WDFY2: variants seen among roughly 807,000 people sequenced by gnomAD.
WDFY2 encodes WD repeat and FYVE domain containing 2, also known as WD repeat and FYVE domain-containing protein 2.
A neutral mutation model predicts 56.4 loss-of-function variants in WDFY2; 36 were observed. The observed-to-expected ratio is 0.64, with a 90% CI of 0.49 to 0.84. The LOEUF is 0.84. Ranked by LOEUF, WDFY2 falls within the 40% of genes least tolerant of loss-of-function variation. The probability of loss-of-function intolerance (pLI) is 0.00; values close to 1 mark genes in which losing one functional copy is unlikely to be tolerated. For missense variants in WDFY2, 444 were observed against 512.2 expected, an observed-to-expected ratio of 0.87 and a Z score of 1.29; for synonymous variants, 176 against 183.7, an observed-to-expected ratio of 0.96 and a Z score of 0.34.
intron 1 of WDFY2, among the ~76,000 whole-genome samples, chr13:51,596,550 G>A (rs1476724901): frequency 6.6e-6 from 1 of 152,218 alleles, no homozygotes; most frequent in Admixed American, 6.5e-5. Flanking sequence ...TACAGTTTGA[G>A]TGCAAAGCTT....
chr13:51,748,245 T>C (rs1377574493), intron 7 of WDFY2, among the ~76,000 whole-genome samples: 4 of 152,234 alleles, frequency 2.6e-5, no homozygotes, highest in Admixed American at 6.5e-5. Context: ...CGGCTTAGAT[T>C]GTGCTGTCCA....
chr13:51,674,298 A>G (rs184684302), intron 2 of WDFY2, among the ~76,000 whole-genome samples: 1 of 152,380 alleles, frequency 6.6e-6, no homozygotes. Flanking sequence ...TAGAACAACT[A>G]TTAAATATTT....
chr13:51,621,757 A>G (rs146504973), intron 1 of WDFY2, among the ~76,000 whole-genome samples: 208 of 152,294 alleles, frequency 1.4e-3, no homozygotes, highest in African/African-American at 4.8e-3. Context: ...GGCAGTCAGC[A>G]TCAGAAAAAA....
chr13:51,696,798 A>G (rs548185586), intron 3 of WDFY2, among the ~76,000 whole-genome samples: 1 of 152,342 alleles, frequency 6.6e-6, no homozygotes, highest in South Asian at 2.1e-4. Context: ...TTGTAAGCTT[A>G]AAAGAATGGA....
chr13:51,600,174 T>C (rs1267801788), intron 1 of WDFY2, among the ~76,000 whole-genome samples: 4 of 152,200 alleles, frequency 2.6e-5, no homozygotes, highest in Non-Finnish European at 4.4e-5. Flanking sequence ...TAAGTAAAAT[T>C]GAAACAATAT....
intron 9 of WDFY2, 47 bp downstream of exon 9, chr13:51,755,506 C>G: frequency 6.4e-7 from 1 of 1,566,624 alleles, no homozygotes; most frequent in Non-Finnish European, 8.8e-7. Context: ...ATGGAAATAG[C>G]TCAACCATGT....
intron 5 of WDFY2, among the ~76,000 whole-genome samples, chr13:51,723,223 T>A (rs1203371849): frequency 6.6e-6 from 1 of 152,258 alleles, no homozygotes; most frequent in Non-Finnish European, 1.5e-5. Flanking sequence ...TTTATCCTTA[T>A]ATACTTCATT....
At position 51,759,956 on chromosome 13, in the gene WDFY2, CCAACT is replaced by C; in HGVS notation, c.*188_*192del. 1.8e-6 allele frequency: 1 copy of C among 558,550 alleles called. No homozygotes were observed. The highest frequency in any genetic ancestry group is 3.2e-6 in the Non-Finnish European group (1 of 308,678). The allele number at this position is 558,550 out of a possible 1,614,324, so 34.6% of individuals were successfully genotyped here. ...AGTGAGCACTCGCAAGGGGACTCTT[CCAACT>C]TGTTCATACAATATAAAAGAAGCTA... On this transcript the variant is annotated 3_prime_UTR_variant, in exon 12 of 12. Coordinates refer to ENST00000298125, the MANE Select transcript of WDFY2 (RefSeq NM_052950.4).
Position 51,749,766 on chromosome 13 carries a change from T to TAAGTTA in WDFY2, c.726-1543_726-1542insAGTTAA, listed in dbSNP as rs1298148870. ...CTAACTTACTTAGAAATTATCTAGG[T>TAAGTTA]ATCCAATGATTATTGATTAGCTCAG... On this transcript the variant is annotated intron_variant, in intron 7 of 11. Transcript: ENST00000298125. Among the ~76,000 whole-genome samples the TAAGTTA allele has an allele frequency of 1.5e-3, 221 of 152,308 alleles. 2 individuals are homozygous for TAAGTTA. Among genetic ancestry groups the TAAGTTA allele is most frequent in the African/African-American group, 5.2e-3 (215 of 41,578 alleles).
chr13:51,627,115 C>T (rs747857277), intron 1 of WDFY2, among the ~76,000 whole-genome samples: 3 of 152,220 alleles, frequency 2.0e-5, no homozygotes, highest in Non-Finnish European at 2.9e-5. Context: ...GCTTCTGCTG[C>T]AGGCACCTGT....
intron 1 of WDFY2, chr13:51,589,436 A>G (rs966934569): frequency 3.3e-5 from 5 of 152,152 alleles, no homozygotes; most frequent in African/African-American, 4.8e-5. Context: ...CCTGAAAAAA[A>G]TATGTTAAAA....
At chr13:51,735,688 C>T (rs1952819421) in intron 6 of WDFY2, among the ~76,000 whole-genome samples, 1 of 152,174 alleles carries the variant, frequency 6.6e-6, no homozygotes, top group Non-Finnish European at 1.5e-5. Context: ...ATAGAAGAGG[C>T]TCAATACATG....
At chr13:51,687,026 C>T (rs747242497) in intron 3 of WDFY2, among the ~76,000 whole-genome samples, 34 of 150,706 alleles carry the variant, frequency 2.3e-4, no homozygotes, top group Admixed American at 7.3e-4. Flanking sequence ...AATGAAAACA[C>T]TAATAATGTC....
chr13:51,756,784 A>C (rs1472806892), intron 10 of WDFY2, among the ~76,000 whole-genome samples: 2 of 152,212 alleles, frequency 1.3e-5, no homozygotes, highest in Non-Finnish European at 2.9e-5. Flanking sequence ...ATAAGGGCTC[A>C]GGATTCACTT....
At chr13:51,713,207 T>C (rs1302193260) in intron 4 of WDFY2, among the ~76,000 whole-genome samples, 3 of 152,214 alleles carry the variant, frequency 2.0e-5, no homozygotes, top group African/African-American at 4.8e-5. Flanking sequence ...TTTATGATAA[T>C]GGGTACAAAA....
chr13:51,605,230 A>G (rs1295436839), intron 1 of WDFY2, among the ~76,000 whole-genome samples: 1 of 152,230 alleles, frequency 6.6e-6, no homozygotes, highest in Non-Finnish European at 1.5e-5. Flanking sequence ...TATGGACAGC[A>G]CATTGGATCA....
chr13:51,651,868 T>C (rs1396588437), intron 1 of WDFY2, among the ~76,000 whole-genome samples: 2 of 152,234 alleles, frequency 1.3e-5, no homozygotes, highest in East Asian at 1.9e-4. Flanking sequence ...GAGAAGAATG[T>C]ATATTCTGTT....
rs1186413649 is a variant in WDFY2 at position 51,763,357 on chromosome 13, A to C, written c.*3588A>C. ...CCTTCATCCACATAAATTCCTTCCT[A>C]TACATTCCCCTCAGACCACCCCAGA... On this transcript the variant is annotated 3_prime_UTR_variant, in exon 12 of 12. Coordinates refer to ENST00000298125, the MANE Select transcript of WDFY2 (RefSeq NM_052950.4). 6.6e-6 allele frequency: 1 copy of C among 152,166 alleles called. No individual in the cohort carries two copies. Among genetic ancestry groups the C allele is most frequent in the Non-Finnish European group, 1.5e-5 (1 of 68,032 alleles). 9.4% of individuals were successfully genotyped at this position (152,166 alleles called of 1,614,324 possible).
chr13:51,694,511 C>A (rs1019557231), intron 3 of WDFY2, among the ~76,000 whole-genome samples: 5 of 152,174 alleles, frequency 3.3e-5, no homozygotes, highest in Admixed American at 3.3e-4. Context: ...GAATATTGGC[C>A]CCCAGCCTCT....
Sources: allele counts gnomAD v4.1 joint callset (sites outside exome capture counted in the v4.1 genomes callset), GRCh38; gene constraint gnomAD v4.1.1; transcripts MANE v1.5; gene names NCBI Gene and HGNC (gene_info 2026-07-23, HGNC 2026-07-21).